The following HCN2 variants were observed in gnomAD, a reference collection of about 807,000 sequenced individuals.
HCN2 encodes potassium/sodium hyperpolarization-activated cyclic nucleotide-gated channel 2.
Under a neutral mutation model 52.3 loss-of-function variants are expected in HCN2, and 20 were observed. The ratio of observed to expected loss-of-function variants is 0.38; its 90% CI spans 0.27 to 0.56. The LOEUF (loss-of-function observed/expected upper bound fraction) is 0.56, where lower values mean the gene tolerates loss of function less well. Among genes scored for constraint, HCN2 ranks in the 20% least tolerant of loss-of-function variants. The pLI is 0.71. For missense variants in HCN2, 981 were observed against 1,207.7 expected (o/e 0.81, Z 2.78); for synonymous variants, 694 against 537.0 (o/e 1.29, Z -4.04).
At chr19:594,516 C>G (rs940418308) in intron 1 of HCN2, among the ~76,000 whole-genome samples, 30 of 152,316 alleles carry the variant, frequency 2.0e-4, no homozygotes, top group Non-Finnish European at 2.9e-5. Flanking sequence ...CCCCTGGGGT[C>G]CCCGAGAGGA....
intron 6 of HCN2, among the ~76,000 whole-genome samples, 154 bp from the exon 7 acceptor site, chr19:613,698 T>TGGGGCCGGGGCCGGGGCCGGGGCC (rs1339962471): frequency 2.3e-3 from 37 of 16,256 alleles, no homozygotes; most frequent in Admixed American, 7.8e-3. Context: ...GGGCCGGGGA[T>TGGGGCCGGGGCCGGGGCCGGGGCC]GGGGCCGGGG....
chr19:594,428 C>T (rs879370205), intron 1 of HCN2, among the ~76,000 whole-genome samples: 2 of 152,166 alleles, frequency 1.3e-5, no homozygotes, highest in Non-Finnish European at 2.9e-5. Flanking sequence ...GTCTGTGTTT[C>T]TGAATTGTCT....
At position 590,022 on chromosome 19, in the gene HCN2, C is replaced by T. The variant is rs1243431981; in HGVS notation, c.77C>T (p.Pro26Leu). The T allele has an allele frequency of 1.2e-5, 7 of 599,150 alleles. No individual in the cohort carries two copies. The highest frequency in any genetic ancestry group is 6.7e-5 in the African/African-American group (3 of 45,058). The allele number at this position is 599,150 out of a possible 1,614,324, so 37.1% of individuals were successfully genotyped here. A position where few individuals can be genotyped will look rare whatever the true frequency, so the allele number is the denominator to read the frequency against. The change falls in exon 1 of 8, where the codon CCG becomes CTG. Residue 26 changes from proline to leucine, a missense_variant. Transcript: ENST00000251287. This position sits in a 1 kb window ranked among gnomAD's most constrained non-coding sequence, Gnocchi z 7.2. ...CCCGCGCCGGGGCCGCCGCCGCCGC[C>T]GCCGCCCGCGCCCCCCCAACAGCAG... is the stretch of plus-strand genomic sequence containing the variant. Reference protein sequence around the residue: ...ATPAPGPPPPPPPAPPQQQPP... With the variant: ...ATPAPGPPPPLPPAPPQQQPP...
Position 616,175 on chromosome 19 carries a change from C to A in HCN2, c.2371C>A (p.Arg791=), listed in dbSNP as rs1368261687. 311 of 976,414 alleles carry A rather than the reference C, an allele frequency of 3.2e-4. 1 individual carries two copies. Among genetic ancestry groups the A allele is most frequent in the Admixed American group, 1.0e-3 (16 of 15,966 alleles). The allele number at this position is 976,414 out of a possible 1,614,324, so 60.5% of individuals were successfully genotyped here. A position where few individuals can be genotyped will look rare whatever the true frequency, so the allele number is the denominator to read the frequency against. Residue 791 remains arginine (R), a synonymous_variant, in exon 8 of 8, where the codon CGG becomes AGG. Transcript: ENST00000251287. ...CGCGCCCGCCAGCCCCCGGGCACCG[C>A]GGACCTCGCCCTACGGCGGCCTGCC... ...PGAPASPRAP[R]TSPYGGLPAA... is the part of the protein sequence containing the mutation.
At chr19:598,897 C>T (rs527280041) in intron 1 of HCN2, among the ~76,000 whole-genome samples, 92 of 152,346 alleles carry the variant, frequency 6.0e-4, no homozygotes, top group African/African-American at 2.0e-3. Flanking sequence ...CGTGAGCCAC[C>T]GTGCCCAGCC....
chr19:601,525 A>AGTGGTC (rs201179545), intron 1 of HCN2, among the ~76,000 whole-genome samples: 1,813 of 144,716 alleles, frequency 0.013, 35 homozygotes, highest in African/African-American at 0.043. Context: ...AACACAGCGG[A>AGTGGTC]GTGGTCGTCG....
rs149162547 is a variant in HCN2 at position 599,029 on chromosome 19, G to C, written c.633-4515G>C. Reference sequence around the variant, plus strand: ...TTGGAAGAAGAGACTGAGGTTCTCAGGGGCTGCAGGAACTTGTCCAAGGTC... The same window carrying C: ...TTGGAAGAAGAGACTGAGGTTCTCACGGGCTGCAGGAACTTGTCCAAGGTC... On this transcript the variant is annotated intron_variant, in intron 1 of 7. Transcript: ENST00000251287. Among the ~76,000 whole-genome samples, 469 of 152,366 alleles carry C rather than the reference G, an allele frequency of 3.1e-3. 5 individuals carry two copies. Among genetic ancestry groups the C allele is most frequent in the African/African-American group, 0.011 (448 of 41,592 alleles).
chr19:593,191 G>A (rs1004730382), intron 1 of HCN2, among the ~76,000 whole-genome samples: 2 of 152,130 alleles, frequency 1.3e-5, no homozygotes, highest in Admixed American at 6.5e-5. Context: ...CCTCTTTCAC[G>A]CCCCACGTCC....
intron 4 of HCN2, 135 bp downstream of exon 4, chr19:608,317 G>A: frequency 1.3e-6 from 1 of 796,194 alleles, no homozygotes; most frequent in Non-Finnish European, 2.0e-6. Context: ...TGAGGCTGGA[G>A]GGAGGCCTTG....
chr19:598,028 G>T (rs1295054044), intron 1 of HCN2, among the ~76,000 whole-genome samples: 2 of 152,190 alleles, frequency 1.3e-5, no homozygotes, highest in Non-Finnish European at 2.9e-5. Context: ...TGGGAGGCAG[G>T]TCTCAATCCA....
intron 5 of HCN2, 120 bp downstream of exon 5, chr19:610,525 T>C: frequency 1.1e-6 from 1 of 871,644 alleles, no homozygotes; most frequent in South Asian, 1.5e-5. Context: ...CAGGAGGGAC[T>C]CGAGCTAGAC....
chr19:590,597 C>G lies in HCN2; in HGVS notation c.632+20C>G. 1.4e-6 allele frequency: 2 copies of G among 1,381,778 alleles called. No homozygotes were observed. The highest frequency in any genetic ancestry group is 1.9e-6 in the Non-Finnish European group (2 of 1,050,332). 85.6% of individuals were successfully genotyped at this position (1,381,778 alleles called of 1,614,324 possible). On this transcript the variant is annotated intron_variant, in intron 1 of 7. Coordinates refer to ENST00000251287, the MANE Select transcript of HCN2 (RefSeq NM_001194.4). The surrounding 1 kb of genome is among the most constrained non-coding windows in gnomAD (Gnocchi z 7.2). ...CTTCAGGTACCGCCTCCGGGAGGGC[C>G]GGTCGGCGCGAGGGGGCCCGGGGAG...
At position 613,567 on chromosome 19, in the gene HCN2, G is replaced by GGGGCC. The variant is rs1387217490; in HGVS notation, c.1825+83_1825+87dup. On this transcript the variant is annotated intron_variant, in intron 6 of 7. Coordinates refer to ENST00000251287, the MANE Select transcript of HCN2 (RefSeq NM_001194.4). The stretch of plus-strand genomic sequence containing the variant: ...TGTGCAGAGCCAGGGGGCCGGGGCC[G>GGGGCC]GGGCCGGGGCCGGGGATGGGGATGG... 11 of 602,054 alleles carry GGGGCC rather than the reference G, an allele frequency of 1.8e-5. 1 individual carries two copies. The African/African-American group carries it at 2.9e-4, about 16-fold the overall frequency. 37.3% of individuals were successfully genotyped at this position (602,054 alleles called of 1,614,324 possible).
At chr19:604,805 AG>A (rs1983359753) in intron 2 of HCN2, among the ~76,000 whole-genome samples, 1 of 44,456 alleles carries the variant, frequency 2.2e-5, no homozygotes, top group African/African-American at 1.1e-4. Context: ...GGGGTGTCCT[AG>A]GGCGGGGGCT....
chr19:607,877 C>A, intron 3 of HCN2, 87 bp from the exon 4 acceptor site: 1 of 978,720 alleles, frequency 1.0e-6, no homozygotes. Context: ...CAGTGCTTGG[C>A]AGAGGGTGGG....
At chr19:606,973 G>A (rs58458062) in intron 3 of HCN2, among the ~76,000 whole-genome samples, 32,156 of 151,572 alleles carry the variant, frequency 0.21, 3,891 homozygotes, top group South Asian at 0.37. Context: ...AGGAGTTTGA[G>A]ACCAGCCTGA....
Position 610,368 on chromosome 19 carries a change from A to G in HCN2, c.1547A>G (p.Asp516Gly). ...TACCAGGGCAAGATGTTTGACGAGG[A>G]CAGCATCCTGGGCGAGCTCAACGGG... The part of the protein sequence containing the change: ...HRYQGKMFDE[D>G]SILGELNGPL... The change falls in exon 5 of 8, where the codon GAC becomes GGC. Residue 516 changes from aspartate (D) to glycine (G), a missense_variant. Asp to Gly is a moderately conservative substitution (Grantham distance 94, BLOSUM62 -1). Coordinates refer to ENST00000251287, the MANE Select transcript of HCN2 (RefSeq NM_001194.4). The G allele has an allele frequency of 6.2e-7, 1 of 1,613,666 alleles. No homozygotes were observed.
intron 1 of HCN2, among the ~76,000 whole-genome samples, chr19:599,802 C>G (rs1983146229): frequency 6.7e-6 from 1 of 149,780 alleles, no homozygotes; most frequent in African/African-American, 2.5e-5. Context: ...AAGAAAACCT[C>G]AAGAACTAAG....
At chr19:614,133 G>T in intron 7 of HCN2, 117 bp downstream of exon 7, 3 of 699,324 alleles carry the variant, frequency 4.3e-6, no homozygotes, top group Non-Finnish European at 6.3e-6. Flanking sequence ...GTGGCATCAG[G>T]GGCACGGTTG....
Sources: gnomAD v4.1 joint callset for allele counts (sites outside exome capture counted in the v4.1 genomes callset) on GRCh38, gnomAD v4.1.1 for gene constraint, Gnocchi (gnomAD v3.1) non-coding constraint, MANE v1.5 for transcripts, NCBI Gene and HGNC (gene_info 2026-07-23, HGNC 2026-07-21) for gene names.